Variants in UIMC1 observed in about 807,000 individuals in gnomAD.
The protein encoded by UIMC1 is ubiquitin interaction motif containing 1.
UIMC1 carries 42 observed loss-of-function variants against 84.9 expected under a neutral mutation model. That is an observed-to-expected ratio of 0.49 (90% CI 0.39 to 0.64). The LOEUF is 0.64. Ranked by LOEUF, UIMC1 falls within the 30% of genes least tolerant of loss-of-function variation. UIMC1 has a pLI of 0.00. For synonymous variants in UIMC1, 281 were observed against 293.0 expected (o/e 0.96, Z 0.42); for missense variants, 825 against 847.6 (o/e 0.97, Z 0.33).
chr5:176,990,385 C>G (rs601923), intron 1 of UIMC1, among the ~76,000 whole-genome samples: 87,544 of 151,714 alleles, frequency 0.58, 26,993 homozygotes, highest in African/African-American at 0.81. Context: ...CTTGATCTTA[C>G]ATTTACCAGA....
chr5:176,950,367 G>A (rs1012689573), intron 9 of UIMC1, among the ~76,000 whole-genome samples: 7 of 150,850 alleles, frequency 4.6e-5, no homozygotes, highest in Admixed American at 1.3e-4. Flanking sequence ...CAAAGTGCTC[G>A]GATTACAGGC....
chr5:176,960,319 C>T lies in UIMC1; in HGVS notation c.1201-2165G>A, dbSNP rs1001204123. 6.6e-5 allele frequency among the ~76,000 whole-genome samples: 10 copies of T among 152,114 alleles called. No individual in the cohort carries two copies. In the East Asian group the frequency reaches 7.7e-4, roughly 12 times the overall value. ...TCATTTCAATGTAGAATCCCAAGAA[C>T]GTCTTCATTTCAATACATTATTTTA... is the stretch of plus-strand genomic sequence containing the variant. On this transcript the variant is annotated intron_variant, in intron 6 of 14. Transcript: ENST00000511320.
intron 10 of UIMC1, among the ~76,000 whole-genome samples, chr5:176,941,119 A>C (rs537933036): frequency 2.0e-5 from 3 of 152,368 alleles, no homozygotes; most frequent in African/African-American, 7.2e-5. Context: ...AGCATTTCAA[A>C]TATGTAATAA....
At chr5:176,905,843 C>G (rs778833237) in intron 14 of UIMC1, 168 bp downstream of exon 14, 2 of 704,446 alleles carry the variant, frequency 2.8e-6, no homozygotes, top group Non-Finnish European at 4.7e-6. Flanking sequence ...GTTATCCAAT[C>G]TTTAGCTAAA....
chr5:176,924,329 A>AT (rs1265140588), intron 10 of UIMC1, among the ~76,000 whole-genome samples: 91 of 151,640 alleles, frequency 6.0e-4, no homozygotes, highest in African/African-American at 1.0e-3. Context: ...AAAAAAAAAA[A>AT]AATAATAAAA....
intron 2 of UIMC1, among the ~76,000 whole-genome samples, chr5:176,979,239 C>T (rs543001413): frequency 1.2e-4 from 18 of 152,120 alleles, no homozygotes; most frequent in Non-Finnish European, 1.3e-4. Flanking sequence ...TCAAAATATA[C>T]GTATGCTGTT....
At chr5:176,937,725 T>C (rs1461105806) in intron 10 of UIMC1, among the ~76,000 whole-genome samples, 2 of 152,190 alleles carry the variant, frequency 1.3e-5, no homozygotes. Flanking sequence ...TGTAAATGAT[T>C]CTAATTGCTA....
At chr5:176,979,288 A>C (rs1193835639) in intron 2 of UIMC1, among the ~76,000 whole-genome samples, 1 of 152,184 alleles carries the variant, frequency 6.6e-6, no homozygotes, top group East Asian at 1.9e-4. Flanking sequence ...GTAAGGAGAA[A>C]CATGGGAAGA....
At chr5:177,016,279 G>T (rs1168710151) in intron 1 of UIMC1, among the ~76,000 whole-genome samples, 1 of 151,404 alleles carries the variant, frequency 6.6e-6, no homozygotes, top group Admixed American at 6.6e-5. Context: ...CAGGAGAATC[G>T]CTTGAACCTG....
intron 11 of UIMC1, among the ~76,000 whole-genome samples, chr5:176,910,516 A>G (rs992022209): frequency 6.6e-6 from 1 of 152,248 alleles, no homozygotes; most frequent in Admixed American, 6.5e-5. Flanking sequence ...TAATTAATTG[A>G]GAATTGTGAT....
intron 10 of UIMC1, among the ~76,000 whole-genome samples, chr5:176,936,043 T>C (rs1019076464): frequency 2.0e-5 from 3 of 152,230 alleles, no homozygotes; most frequent in African/African-American, 2.4e-5. Flanking sequence ...TCTTACCCCT[T>C]TGACTCTTAT....
At chr5:176,996,855 A>G (rs1206837110) in intron 1 of UIMC1, among the ~76,000 whole-genome samples, 7 of 152,316 alleles carry the variant, frequency 4.6e-5, no homozygotes, top group Non-Finnish European at 8.8e-5. Context: ...GCAACAAATG[A>G]GAAGATGAGT....
In UIMC1 at chr5:176,950,905, C is replaced by T. The variant is rs77497184; in HGVS notation, c.1443+569G>A. Among the ~76,000 whole-genome samples the T allele has an allele frequency of 4.1e-4, 62 of 151,818 alleles. 1 individual carries two copies. The highest frequency in any genetic ancestry group is 1.0e-3 in the African/African-American group (43 of 41,410). On this transcript the variant is annotated intron_variant, in intron 9 of 14. Transcript: ENST00000511320. ...AAAAGAAAAGGAAAAATATACACAC[C>T]GAGAATCTTAATCAGAAGTATGAAC...
chr5:176,960,672 C>T (rs1259515789), intron 6 of UIMC1, among the ~76,000 whole-genome samples: 1 of 33,138 alleles, frequency 3.0e-5, no homozygotes, highest in East Asian at 7.3e-4. Context: ...CGTCTCCCCA[C>T]GGTCTCCCTC....
intron 6 of UIMC1, among the ~76,000 whole-genome samples, chr5:176,967,731 A>C (rs1264966819): frequency 4.6e-5 from 7 of 151,826 alleles, no homozygotes; most frequent in Admixed American, 2.6e-4. Context: ...AGTGAAACTC[A>C]ATCTCTACAA....
At chr5:176,913,691 T>A (rs1175703961) in intron 10 of UIMC1, among the ~76,000 whole-genome samples, 1 of 152,230 alleles carries the variant, frequency 6.6e-6, no homozygotes, top group Non-Finnish European at 1.5e-5. Flanking sequence ...AAATAAAATG[T>A]TATCACTGGG....
intron 11 of UIMC1, among the ~76,000 whole-genome samples, chr5:176,909,535 T>C (rs1221407938): frequency 6.6e-6 from 1 of 152,184 alleles, no homozygotes; most frequent in African/African-American, 2.4e-5. Flanking sequence ...TAAGATCACC[T>C]TGGTTTTAAG....
intron 2 of UIMC1, among the ~76,000 whole-genome samples, chr5:176,978,146 C>T (rs570788043): frequency 4.6e-5 from 7 of 151,926 alleles, no homozygotes; most frequent in Admixed American, 2.0e-4. Context: ...CCGAGGCGGA[C>T]GGATCACGAG....
At chr5:176,940,153 G>A (rs944716322) in intron 10 of UIMC1, among the ~76,000 whole-genome samples, 2 of 152,196 alleles carry the variant, frequency 1.3e-5, no homozygotes, top group South Asian at 4.1e-4. Context: ...GAACAAGCCT[G>A]AATCAATTTC....
Sources: allele counts gnomAD v4.1 joint callset (sites outside exome capture counted in the v4.1 genomes callset), GRCh38; gene constraint gnomAD v4.1.1; transcripts MANE v1.5; gene names NCBI Gene and HGNC (gene_info 2026-07-23, HGNC 2026-07-21).